The following ARFGEF2 variants were observed in gnomAD, a reference collection of about 807,000 sequenced individuals.
ARFGEF2 encodes ARF guanine nucleotide exchange factor 2, also known as brefeldin A-inhibited guanine nucleotide-exchange protein 2.
A neutral mutation model predicts 219.9 loss-of-function variants in ARFGEF2; 74 were observed. The observed-to-expected ratio is 0.34, with a 90% CI of 0.28 to 0.41. ARFGEF2 has a LOEUF of 0.41. ARFGEF2 is among the 10% of genes least tolerant of loss of function. The pLI is 1.00. For synonymous variants in ARFGEF2, 733 were observed against 799.2 expected (o/e 0.92, Z 1.40); for missense variants, 1,743 against 2,218.3 (o/e 0.79, Z 4.30).
intron 11 of ARFGEF2, among the ~76,000 whole-genome samples, chr20:48,972,778 C>G (rs1010027471): frequency 6.6e-6 from 1 of 152,158 alleles, no homozygotes; most frequent in East Asian, 1.9e-4. Context: ...GTGGATTTAC[C>G]TTACACTATA....
intron 13 of ARFGEF2, 27 bp downstream of exon 13, chr20:48,974,901 C>T (rs749570132): frequency 3.2e-6 from 5 of 1,568,052 alleles, no homozygotes; most frequent in Non-Finnish European, 4.4e-6. Context: ...GCCACACCCA[C>T]CTCCATTCAT....
chr20:48,973,424 T>C lies in ARFGEF2; in HGVS notation c.1665+140T>C, dbSNP rs552212444. 5 of 915,732 alleles carry C rather than the reference T, an allele frequency of 5.5e-6. No homozygotes were observed. The African/African-American group carries it at 8.2e-5, about 15-fold the overall frequency. 56.7% of individuals were successfully genotyped at this position (915,732 alleles called of 1,614,324 possible). A position where few individuals can be genotyped will look rare whatever the true frequency, so the allele number is the denominator to read the frequency against. ...ATGCATATTCACACACTTCCTGCCA[T>C]CATGAAACGACATTAAAGAAGTCAG... On this transcript the variant is annotated intron_variant, in intron 12 of 38. Transcript: ENST00000371917.
chr20:48,947,382 A>G (rs2091035050), intron 3 of ARFGEF2, among the ~76,000 whole-genome samples: 2 of 152,096 alleles, frequency 1.3e-5, no homozygotes, highest in African/African-American at 4.8e-5. Flanking sequence ...CCTGGGCAAC[A>G]GAGTGAGACT....
At chr20:48,966,888 C>T (rs1458103540) in intron 8 of ARFGEF2, among the ~76,000 whole-genome samples, 1 of 152,200 alleles carries the variant, frequency 6.6e-6, no homozygotes, top group Non-Finnish European at 1.5e-5. Flanking sequence ...TCACTCTCAC[C>T]TAGGCTAGAG....
In ARFGEF2 at chr20:49,016,525, T is replaced by G. The variant is rs555426376; in HGVS notation, c.4315+110T>G. On this transcript the variant is annotated intron_variant, in intron 31 of 38. Coordinates refer to ENST00000371917, the MANE Select transcript of ARFGEF2 (RefSeq NM_006420.3). ...TAGTGCCATGGAGTACAATATATAA[T>G]TTAGTTGGTGAAATGTATACGTTTT... 1.6e-4 allele frequency: 205 copies of G among 1,258,276 alleles called. No individual in the cohort carries two copies. Among genetic ancestry groups the G allele is most frequent in the Middle Eastern group, 1.6e-3 (6 of 3,704 alleles). The allele number at this position is 1,258,276 out of a possible 1,614,324, so 77.9% of individuals were successfully genotyped here.
At position 48,974,780 on chromosome 20, in the gene ARFGEF2, G is replaced by C; in HGVS notation, c.1680G>C (p.Arg560Ser). Reference protein sequence around the residue: ...GMTPLQELSLRKKGLECLVSI... With the variant: ...GMTPLQELSLSKKGLECLVSI... ...TCGTCCCTTAGGAGCTCAGCCTGAG[G>C]AAGAAAGGCCTGGAGTGCCTCGTGT... Residue 560 changes from arginine to serine, a missense_variant, in exon 13 of 39, where the codon AGG (arginine) becomes AGC (serine). Physicochemically the swap from Arg to Ser is moderately radical, Grantham distance 110 (BLOSUM62 -1). Around this residue, in one of 5 missense-constraint regions of ARFGEF2, gnomAD observed 666 missense variants for 955.4 expected, o/e 0.70. Transcript: ENST00000371917. 1 of 1,613,664 alleles carries C rather than the reference G, an allele frequency of 6.2e-7. No individual in the cohort carries two copies. Among genetic ancestry groups the C allele is most frequent in the African/African-American group, 1.3e-5 (1 of 75,028 alleles).
Position 48,989,288 on chromosome 20 carries a change from T to C in ARFGEF2, c.2537T>C (p.Val846Ala). 1 of 1,614,174 alleles carries C rather than the reference T, an allele frequency of 6.2e-7. No homozygotes were observed. Among genetic ancestry groups the C allele is most frequent in the African/African-American group, 1.3e-5 (1 of 75,064 alleles). The change falls in exon 19 of 39, where the codon GTA becomes GCA. Residue 846 changes from valine (V) to alanine (A), a missense_variant. Physicochemically the swap from Val to Ala is moderately conservative, Grantham distance 64. Around this residue, in one of 5 missense-constraint regions of ARFGEF2, gnomAD observed 666 missense variants for 955.4 expected, o/e 0.70. Coordinates refer to ENST00000371917, the MANE Select transcript of ARFGEF2 (RefSeq NM_006420.3). ...CTATCATGCTCTTACTTTACAGATG[T>C]AGCTAGTGAAAAGCAGCGGCGGCTG... ...TIATKSTKQN[V>A]ASEKQRRLLY...
intron 4 of ARFGEF2, among the ~76,000 whole-genome samples, chr20:48,952,263 C>T (rs1483017900): frequency 7.1e-6 from 1 of 140,504 alleles, no homozygotes; most frequent in African/African-American, 2.7e-5. Context: ...TCAAGCAGTT[C>T]TTGTTCCTCA....
chr20:49,015,054 C>A (rs1600547298), intron 30 of ARFGEF2, among the ~76,000 whole-genome samples: 1 of 152,146 alleles, frequency 6.6e-6, no homozygotes, highest in South Asian at 2.1e-4. Context: ...AAACTTAATA[C>A]ATGAGTATTT....
Position 49,018,900 on chromosome 20 carries a change from G to T in ARFGEF2, c.4526G>T (p.Arg1509Leu), listed in dbSNP as rs774033935. 3 of 1,613,638 alleles carry T rather than the reference G, an allele frequency of 1.9e-6. No individual in the cohort carries two copies. The change falls in exon 34 of 39, where the codon CGC (arginine) becomes CTC (leucine). Residue 1509 changes from arginine to leucine, a missense_variant. Around this residue, in one of 5 missense-constraint regions of ARFGEF2, gnomAD observed 578 missense variants for 664.0 expected, o/e 0.87. Coordinates refer to ENST00000371917, the MANE Select transcript of ARFGEF2 (RefSeq NM_006420.3). ...TACATTTAGGATGTGGATCTGGACC[G>T]CCAGTCTTTAAGCAGCATAGATAAA... ...SEKHLDVDLD[R>L]QSLSSIDKNP...
intron 37 of ARFGEF2, among the ~76,000 whole-genome samples, chr20:49,030,543 T>C (rs1160553586): frequency 6.6e-6 from 1 of 152,142 alleles, no homozygotes; most frequent in African/African-American, 2.4e-5. Flanking sequence ...TATTTTTCTT[T>C]ATAATTTTTT....
At chr20:49,018,427 G>A (rs1301857098) in intron 33 of ARFGEF2, among the ~76,000 whole-genome samples, 1 of 152,004 alleles carries the variant, frequency 6.6e-6, no homozygotes, top group African/African-American at 2.4e-5. Context: ...GCAGAGATGG[G>A]GTTTCGCCAT....
chr20:48,978,451 G>A (rs1303539905), intron 14 of ARFGEF2, among the ~76,000 whole-genome samples: 1 of 152,140 alleles, frequency 6.6e-6, no homozygotes, highest in Admixed American at 6.5e-5. Context: ...TTGGCAATGT[G>A]CGCTCTTTTT....
chr20:48,981,743 A>G (rs1026651681), intron 14 of ARFGEF2, among the ~76,000 whole-genome samples: 3 of 152,140 alleles, frequency 2.0e-5, no homozygotes, highest in Non-Finnish European at 4.4e-5. Flanking sequence ...ATCTTCAGTC[A>G]CTGATACCCT....
At chr20:49,022,950 T>TAA in intron 34 of ARFGEF2, 101 bp from the exon 35 acceptor site, 7 of 1,519,152 alleles carry the variant, frequency 4.6e-6, no homozygotes, top group Non-Finnish European at 6.3e-6. Context: ...CCCCATCTCT[T>TAA]AAAAAAATAA....
intron 14 of ARFGEF2, among the ~76,000 whole-genome samples, chr20:48,983,160 A>AT (rs2091307333): frequency 6.6e-6 from 1 of 152,108 alleles, no homozygotes; most frequent in South Asian, 2.1e-4. Flanking sequence ...TTACGTATAT[A>AT]TTTTTCTGAA....
At chr20:48,969,517 A>T (rs542527706) in intron 9 of ARFGEF2, among the ~76,000 whole-genome samples, 5 of 152,364 alleles carry the variant, frequency 3.3e-5, no homozygotes, top group African/African-American at 1.2e-4. Flanking sequence ...TGGCATATGA[A>T]TGCTAAAAAA....
chr20:48,984,201 A>G (rs1273515804), intron 14 of ARFGEF2, among the ~76,000 whole-genome samples: 1 of 152,190 alleles, frequency 6.6e-6, no homozygotes, highest in Non-Finnish European at 1.5e-5. Context: ...TGTCTGCTTC[A>G]CCATACTTAG....
At position 49,036,372 on chromosome 20, in the gene ARFGEF2, T is replaced by C. The variant is rs901323658; in HGVS notation, c.*3173T>C. The C allele has an allele frequency of 9.1e-5, 36 of 397,134 alleles. No individual in the cohort carries two copies. The East Asian group carries it at 1.3e-3, about 14-fold the overall frequency. 24.6% of individuals were successfully genotyped at this position (397,134 alleles called of 1,614,324 possible). ...TCTATCAAAGGTGTTTTACTCAGTGTTCTAATTTTTAAAAAATTTTATCTG... is the reference window on the plus strand; with the variant it reads ...TCTATCAAAGGTGTTTTACTCAGTGCTCTAATTTTTAAAAAATTTTATCTG... On this transcript the variant is annotated 3_prime_UTR_variant, in exon 39 of 39. Transcript: ENST00000371917.
Sources: gnomAD v4.1 joint callset for allele counts (sites outside exome capture counted in the v4.1 genomes callset) on GRCh38, gnomAD v4.1.1 for gene constraint, gnomAD v4.1.1 regional missense constraint, MANE v1.5 for transcripts, NCBI Gene and HGNC (gene_info 2026-07-23, HGNC 2026-07-21) for gene names.